VAC14: variants seen among roughly 807,000 people sequenced by gnomAD.
VAC14 encodes VAC14 component of PIKFYVE complex.
A neutral mutation model predicts 85.3 loss-of-function variants in VAC14; 47 were observed. The ratio of observed to expected loss-of-function variants is 0.55; its 90% CI spans 0.44 to 0.70. VAC14 has a LOEUF of 0.70. VAC14 is among the 30% of genes least tolerant of loss of function. VAC14 has a pLI of 0.00. For missense variants in VAC14, 861 were observed against 1,004.3 expected (o/e 0.86, Z 1.93); for synonymous variants, 447 against 430.5 (o/e 1.04, Z -0.47).
At chr16:70,721,201 G>C (rs139818167) in intron 14 of VAC14, among the ~76,000 whole-genome samples, 1 of 152,216 alleles carries the variant, frequency 6.6e-6, no homozygotes, top group Non-Finnish European at 1.5e-5. Context: ...GGACAGGCCG[G>C]CATGGTGGGG....
Position 70,727,379 on chromosome 16 carries a change from G to A in VAC14, c.1661+4116C>T, listed in dbSNP as rs374891420. On this transcript the variant is annotated intron_variant, in intron 14 of 18. Coordinates refer to ENST00000261776, the MANE Select transcript of VAC14 (RefSeq NM_018052.5). ...TTTTGAGACGAAGTCTTGCTCTGTC[G>A]CGCAGGCTGGAGTGCAGTGGTGTGA... is the stretch of plus-strand genomic sequence containing the variant. Among the ~76,000 whole-genome samples the A allele has an allele frequency of 1.2e-4, 19 of 152,122 alleles. 2 individuals are homozygous for A. The highest frequency in any genetic ancestry group is 2.6e-4 in the Admixed American group (4 of 15,290).
chr16:70,699,110 A>C, intron 14 of VAC14: 1 of 324,314 alleles, frequency 3.1e-6, no homozygotes, highest in Non-Finnish European at 5.9e-6. Context: ...GCTACCCAAA[A>C]TAGTTCCTGA....
chr16:70,691,682 G>C (rs1475804611), intron 18 of VAC14: 1 of 985,352 alleles, frequency 1.0e-6, no homozygotes, highest in Non-Finnish European at 1.2e-6. Flanking sequence ...GGGCAGGGAA[G>C]GCACGAGCCG....
In VAC14 at chr16:70,717,613, G is replaced by A. The variant is rs778712686; in HGVS notation, c.1661+13882C>T. ...AAGAGCTAGTTGCTGGGTGGGTTGG[G>A]GGACAGAAGACGGGAGAGTGCTGGG... On this transcript the variant is annotated intron_variant, in intron 14 of 18. Transcript: ENST00000261776. Among the ~76,000 whole-genome samples, 27 of 152,138 alleles carry A rather than the reference G, an allele frequency of 1.8e-4. 1 individual carries two copies. Among genetic ancestry groups the A allele is most frequent in the Non-Finnish European group, 3.5e-4 (24 of 68,024 alleles).
chr16:70,788,362 C>T (rs563138675), intron 1 of VAC14, among the ~76,000 whole-genome samples: 8 of 152,296 alleles, frequency 5.3e-5, no homozygotes, highest in East Asian at 1.9e-4. Flanking sequence ...AAATAGGTCT[C>T]GCTCTGGGCT....
chr16:70,784,067 T>C (rs763933356), intron 5 of VAC14, 46 bp downstream of exon 5: 1 of 1,553,938 alleles, frequency 6.4e-7, no homozygotes, highest in Admixed American at 1.7e-5. Flanking sequence ...AGAGAGCAGA[T>C]TTTCCAAACT....
chr16:70,691,803 G>A, intron 18 of VAC14: 5 of 985,404 alleles, frequency 5.1e-6, no homozygotes, highest in Non-Finnish European at 6.0e-6. Context: ...CTGGGTGGGA[G>A]GGGCAGTGGG....
chr16:70,695,915 G>A, intron 16 of VAC14: 2 of 288,288 alleles, frequency 6.9e-6, no homozygotes, highest in Middle Eastern at 1.1e-3. Context: ...GGGGAGGGCT[G>A]GGCAGGAAGG....
chr16:70,765,338 G>C (rs1024581122), intron 10 of VAC14, among the ~76,000 whole-genome samples: 2 of 152,160 alleles, frequency 1.3e-5, no homozygotes, highest in African/African-American at 4.8e-5. Context: ...GGGCGGTGCC[G>C]TGACCAGGTC....
At chr16:70,781,067 C>A (rs2033789460) in intron 8 of VAC14, 128 bp from the exon 9 acceptor site, 4 of 1,344,800 alleles carry the variant, frequency 3.0e-6, no homozygotes, top group Non-Finnish European at 1.0e-6. Context: ...GGGGGTGGAT[C>A]CCTCACAAAT....
intron 1 of VAC14, among the ~76,000 whole-genome samples, chr16:70,791,346 T>A (rs2034329558): frequency 6.6e-6 from 1 of 152,162 alleles, no homozygotes; most frequent in East Asian, 1.9e-4. Flanking sequence ...AGCAGGTAAA[T>A]TCCTTCTAAT....
In VAC14 at chr16:70,786,914, C is replaced by T. The variant is rs554721353; in HGVS notation, c.105-549G>A. Among the ~76,000 whole-genome samples the T allele has an allele frequency of 8.5e-4, 130 of 152,224 alleles. 1 individual carries two copies. The highest frequency in any genetic ancestry group is 3.1e-3 in the African/African-American group (127 of 41,532). On this transcript the variant is annotated intron_variant, in intron 1 of 18. Transcript: ENST00000261776. Reference sequence around the variant, plus strand: ...GTCCAGGAGGGCTACAGGGAGGTGCCGGCTGAGTCAGATCTTAAAAACAGT... The same window carrying T: ...GTCCAGGAGGGCTACAGGGAGGTGCTGGCTGAGTCAGATCTTAAAAACAGT...
chr16:70,757,939 C>T (rs370937845), intron 12 of VAC14, among the ~76,000 whole-genome samples: 31 of 152,260 alleles, frequency 2.0e-4, no homozygotes, highest in African/African-American at 4.8e-4. Context: ...GTGGCAGAGC[C>T]CAAGGTGGAC....
chr16:70,758,366 C>T (rs2032042032), intron 12 of VAC14, among the ~76,000 whole-genome samples: 1 of 152,158 alleles, frequency 6.6e-6, no homozygotes, highest in Non-Finnish European at 1.5e-5. Context: ...GGCCAGGGTC[C>T]CCGGTAAGGA....
At chr16:70,764,624 T>G (rs2032664431) in intron 10 of VAC14, among the ~76,000 whole-genome samples, 1 of 152,246 alleles carries the variant, frequency 6.6e-6, no homozygotes, top group Non-Finnish European at 1.5e-5. Flanking sequence ...AATGCTGTTT[T>G]AATTGACCCA....
intron 9 of VAC14, among the ~76,000 whole-genome samples, chr16:70,779,785 G>C (rs2033715053): frequency 6.6e-6 from 1 of 152,100 alleles, no homozygotes; most frequent in Non-Finnish European, 1.5e-5. Context: ...CAGGGTTCTA[G>C]ATTACATCTG....
chr16:70,748,583 A>G (rs1339997726), intron 12 of VAC14, among the ~76,000 whole-genome samples: 1 of 152,104 alleles, frequency 6.6e-6, no homozygotes, highest in African/African-American at 2.4e-5. Flanking sequence ...CAGAGTGGGG[A>G]ATGGGGCCAG....
rs563657400 is a variant in VAC14, at chr16:70,687,894, A to T, written c.*34T>A. 6.8e-7 allele frequency: 1 copy of T among 1,464,296 alleles called. No homozygotes were observed. The highest frequency in any genetic ancestry group is 2.3e-5 in the Admixed American group (1 of 44,252). The allele number at this position is 1,464,296 out of a possible 1,614,324, so 90.7% of individuals were successfully genotyped here. ...GTGACGACCCTTAGTGTTTCATGGG[A>T]CCACTCGGTGGGCCCTCCTCCGTGC... On this transcript the variant is annotated 3_prime_UTR_variant, in exon 19 of 19. Coordinates refer to ENST00000261776, the MANE Select transcript of VAC14 (RefSeq NM_018052.5).
chr16:70,799,776 G>C (rs887129969), intron 1 of VAC14, among the ~76,000 whole-genome samples: 4 of 152,216 alleles, frequency 2.6e-5, no homozygotes, highest in Admixed American at 2.6e-4. Flanking sequence ...CCACGGAATA[G>C]ATTAGAGCAG....
Sources: allele counts gnomAD v4.1 joint callset (sites outside exome capture counted in the v4.1 genomes callset), GRCh38; gene constraint gnomAD v4.1.1; transcripts MANE v1.5; gene names NCBI Gene and HGNC (gene_info 2026-07-23, HGNC 2026-07-21).